The following FNBP1L variants were observed in gnomAD, a reference collection of about 807,000 sequenced individuals.
The protein encoded by FNBP1L is formin binding protein 1 like.
In FNBP1L, 36 loss-of-function variants were observed where a neutral mutation model predicts 91.2. The observed-to-expected ratio is 0.39, with a 90% CI of 0.30 to 0.52. FNBP1L has a LOEUF of 0.52. FNBP1L is among the 20% of genes least tolerant of loss of function. The probability of loss-of-function intolerance (pLI) is 0.66; values close to 1 mark genes in which losing one functional copy is unlikely to be tolerated. For missense variants in FNBP1L, 571 were observed against 732.1 expected (o/e 0.78, Z 2.54); for synonymous variants, 242 against 237.0 (o/e 1.02, Z -0.19).
Position 93,549,222 on chromosome 1 carries a change from T to A in FNBP1L, c.1503-56T>A, listed in dbSNP as rs1672328947. ...CCTGAGGTGATCAATTTATAAATAA[T>A]ATATAGAATTCTCATGTTTATGATA... On this transcript the variant is annotated intron_variant, in intron 14 of 16. Transcript: ENST00000271234. 29 of 1,380,696 alleles carry A rather than the reference T, an allele frequency of 2.1e-5. No individual in the cohort carries two copies. In the South Asian group the frequency reaches 4.2e-4, roughly 20 times the overall value. The allele number at this position is 1,380,696 out of a possible 1,614,324, so 85.5% of individuals were successfully genotyped here. A position where few individuals can be genotyped will look rare whatever the true frequency, so the allele number is the denominator to read the frequency against.
At chr1:93,504,470 C>T (rs1040460283) in intron 2 of FNBP1L, among the ~76,000 whole-genome samples, 3 of 152,200 alleles carry the variant, frequency 2.0e-5, no homozygotes, top group African/African-American at 7.2e-5. Flanking sequence ...TCTTTTTCCT[C>T]CCTGTCTCGG....
intron 1 of FNBP1L, among the ~76,000 whole-genome samples, chr1:93,479,887 G>A (rs1024293272): frequency 3.3e-5 from 5 of 152,096 alleles, no homozygotes; most frequent in African/African-American, 7.2e-5. Flanking sequence ...CTGAGGTGAC[G>A]TACATCCTCA....
intron 1 of FNBP1L, among the ~76,000 whole-genome samples, chr1:93,474,025 A>G (rs1380404047): frequency 6.6e-6 from 1 of 152,182 alleles, no homozygotes; most frequent in Non-Finnish European, 1.5e-5. Flanking sequence ...CTGGTGGATC[A>G]CCTGAGGTCA....
Position 93,554,328 on chromosome 1 carries a change from T to A in FNBP1L, c.*1912T>A, listed in dbSNP as rs1455400853. ...GCTAACAGCCACAGAGGGCAAAGTT[T>A]AAGACTTTCTTGTAAGGACTAACTG... On this transcript the variant is annotated 3_prime_UTR_variant, in exon 17 of 17. Transcript: ENST00000271234. The A allele has an allele frequency of 6.5e-6, 1 of 152,694 alleles. No homozygotes were observed. Among genetic ancestry groups the A allele is most frequent in the Admixed American group, 6.5e-5 (1 of 15,284 alleles). The allele number at this position is 152,694 out of a possible 1,614,324, so 9.5% of individuals were successfully genotyped here.
intron 2 of FNBP1L, among the ~76,000 whole-genome samples, chr1:93,512,449 C>T (rs1670890962): frequency 6.6e-6 from 1 of 151,912 alleles, no homozygotes; most frequent in Admixed American, 6.6e-5. Context: ...AACTCTCCAC[C>T]CCAAATCAAC....
intron 2 of FNBP1L, among the ~76,000 whole-genome samples, chr1:93,519,179 GTATT>G (rs1671232715): frequency 1.3e-5 from 2 of 152,214 alleles, no homozygotes; most frequent in South Asian, 2.1e-4. Context: ...CTGGTCAAGA[GTATT>G]TATTCAGAGT....
chr1:93,470,438 C>A (rs910817470), intron 1 of FNBP1L, among the ~76,000 whole-genome samples: 4 of 152,180 alleles, frequency 2.6e-5, no homozygotes, highest in Non-Finnish European at 4.4e-5. Context: ...TTGTCTGTTA[C>A]TTTTTAAAAG....
intron 1 of FNBP1L, among the ~76,000 whole-genome samples, chr1:93,450,198 A>G (rs1668446684): frequency 6.6e-6 from 1 of 152,148 alleles, no homozygotes; most frequent in Admixed American, 6.6e-5. Context: ...GGTACTACCT[A>G]AGGAAACGAT....
intron 1 of FNBP1L, among the ~76,000 whole-genome samples, chr1:93,488,625 C>G (rs1351777368): frequency 3.3e-5 from 5 of 152,180 alleles, no homozygotes; most frequent in Non-Finnish European, 7.3e-5. Context: ...CTGGCGCTCA[C>G]ACACTCCAAT....
At chr1:93,511,849 C>A (rs2101737962) in intron 2 of FNBP1L, among the ~76,000 whole-genome samples, 1 of 150,434 alleles carries the variant, frequency 6.6e-6, no homozygotes, top group East Asian at 2.0e-4. Context: ...GCCTGTAGTC[C>A]CAGCTACTTG....
In FNBP1L at chr1:93,448,217, G is replaced by A. The variant is rs1668334253; in HGVS notation, c.-65G>A. The A allele has an allele frequency of 6.6e-7, 1 of 1,515,866 alleles. No homozygotes were observed. The highest frequency in any genetic ancestry group is 2.1e-5 in the Admixed American group (1 of 47,610). The allele number at this position is 1,515,866 out of a possible 1,614,324, so 93.9% of individuals were successfully genotyped here. A position where few individuals can be genotyped will look rare whatever the true frequency, so the allele number is the denominator to read the frequency against. ...CCCGCCGGCCAGCGAGTGAGAGGTC[G>A]GACAGACTGTGGAGCCGACAGACTG... On this transcript the variant is annotated 5_prime_UTR_variant, in exon 1 of 17. Transcript: ENST00000271234.
At chr1:93,507,612 G>A (rs1670680183) in intron 2 of FNBP1L, among the ~76,000 whole-genome samples, 1 of 147,926 alleles carries the variant, frequency 6.8e-6, no homozygotes, top group Non-Finnish European at 1.5e-5. Flanking sequence ...CAGCTGCTTC[G>A]GAAGAATAAA....
In FNBP1L at chr1:93,547,359, G is replaced by A. The variant is rs868775105; in HGVS notation, c.1420G>A (p.Glu474Lys). 4 of 1,558,260 alleles carry A rather than the reference G, an allele frequency of 2.6e-6. No homozygotes were observed. Among genetic ancestry groups the A allele is most frequent in the Non-Finnish European group, 2.6e-6 (3 of 1,150,356 alleles). The change falls in exon 14 of 17, where the codon GAA (glutamate) becomes AAA (lysine). Residue 474 changes from glutamate to lysine, a missense_variant. Glu to Lys is a moderately conservative substitution (Grantham distance 56, BLOSUM62 1). Around this residue, in one of 5 missense-constraint regions of FNBP1L, gnomAD observed 189 missense variants for 219.7 expected, o/e 0.86. Coordinates refer to ENST00000271234, the MANE Select transcript of FNBP1L (RefSeq NM_001164473.3). ...TTTTTTTCCTAAGGCTTGGCTCTCT[G>A]AAGTCGAAGGCAAAACAGGTGGGAG... ...EIHKNEAWLS[E>K]VEGKTGGRGD...
intron 1 of FNBP1L, among the ~76,000 whole-genome samples, chr1:93,456,616 A>G (rs11164932): frequency 0.1 from 15,109 of 149,620 alleles, 942 homozygotes; most frequent in African/African-American, 0.16. Context: ...AAAAAAAAAA[A>G]AAAAAAAGCA....
chr1:93,551,845 T>G, intron 16 of FNBP1L: 1 of 985,390 alleles, frequency 1.0e-6, no homozygotes, highest in South Asian at 4.7e-5. Context: ...CAAACTAATC[T>G]CATACTTTTG....
chr1:93,469,947 A>G (rs1214429482), intron 1 of FNBP1L, among the ~76,000 whole-genome samples: 3 of 152,120 alleles, frequency 2.0e-5, no homozygotes, highest in Admixed American at 1.3e-4. Flanking sequence ...TGGGCAACAG[A>G]GTGAGACTCT....
At chr1:93,463,078 CAG>C (rs1298276098) in intron 1 of FNBP1L, among the ~76,000 whole-genome samples, 1 of 152,016 alleles carries the variant, frequency 6.6e-6, no homozygotes, top group Non-Finnish European at 1.5e-5. Context: ...TTTTTTTGCT[CAG>C]ATTATTTCAG....
intron 1 of FNBP1L, among the ~76,000 whole-genome samples, chr1:93,455,454 A>C (rs1047802486): frequency 3.3e-5 from 5 of 152,190 alleles, no homozygotes; most frequent in Admixed American, 6.5e-5. Context: ...CTCCCAAAGT[A>C]CTGGGATTAC....
chr1:93,522,476 T>C (rs751120217), intron 3 of FNBP1L, among the ~76,000 whole-genome samples: 5 of 152,090 alleles, frequency 3.3e-5, no homozygotes, highest in Non-Finnish European at 4.4e-5. Flanking sequence ...CTCTTATAGA[T>C]AGTAAAACAA....
Sources: allele counts gnomAD v4.1 joint callset (sites outside exome capture counted in the v4.1 genomes callset), GRCh38; gene constraint gnomAD v4.1.1; regional missense constraint gnomAD v4.1.1; transcripts MANE v1.5; gene names NCBI Gene and HGNC (gene_info 2026-07-23, HGNC 2026-07-21).